STIM1: variants seen among roughly 807,000 people sequenced by gnomAD.
STIM1 encodes stromal interaction molecule 1.
In STIM1, 25 loss-of-function variants were observed where a neutral mutation model predicts 74.7. The observed-to-expected ratio is 0.33, with a 90% CI of 0.24 to 0.47. The LOEUF (loss-of-function observed/expected upper bound fraction) is 0.47, where lower values mean the gene tolerates loss of function less well. Among genes scored for constraint, STIM1 ranks in the 20% least tolerant of loss-of-function variants. The pLI is 1.00. For synonymous variants in STIM1, 328 were observed against 348.8 expected, an observed-to-expected ratio of 0.94 and a Z score of 0.66; for missense variants, 728 against 920.8, an observed-to-expected ratio of 0.79 and a Z score of 2.71.
At chr11:3,895,614 CTTTCTTTCTTTCTTTCTTT>C (rs2092048237) in intron 1 of STIM1, among the ~76,000 whole-genome samples, 1 of 62,372 alleles carries the variant, frequency 1.6e-5, no homozygotes, top group Non-Finnish European at 3.1e-5. Context: ...CTCTCTCTTT[CTTTCTTTCTTTCTTTCTTT>C]CTTTCTTTCT....
intron 1 of STIM1, among the ~76,000 whole-genome samples, chr11:3,959,066 T>C (rs1281099010): frequency 1.3e-5 from 2 of 152,188 alleles, no homozygotes; most frequent in African/African-American, 4.8e-5. Flanking sequence ...TTCATGGTCC[T>C]TGACCAAATT....
intron 2 of STIM1, among the ~76,000 whole-genome samples, chr11:4,013,998 C>A (rs957007906): frequency 6.6e-6 from 1 of 151,966 alleles, no homozygotes. Flanking sequence ...TCAGCCACCA[C>A]GCCTGGCTGA....
At chr11:4,080,365 G>T (rs2094458647) in intron 7 of STIM1, among the ~76,000 whole-genome samples, 1 of 151,996 alleles carries the variant, frequency 6.6e-6, no homozygotes, top group African/African-American at 2.4e-5. Flanking sequence ...CTTCCCATCA[G>T]ACATTTATTA....
chr11:4,068,962 T>C (rs2094386151), intron 5 of STIM1, among the ~76,000 whole-genome samples: 1 of 152,226 alleles, frequency 6.6e-6, no homozygotes, highest in Admixed American at 6.5e-5. Flanking sequence ...TACCTCCTTC[T>C]CTGCTGTTTA....
intron 2 of STIM1, chr11:3,974,283 A>G (rs1180431477): frequency 9.4e-6 from 3 of 319,968 alleles, no homozygotes; most frequent in Non-Finnish European, 5.8e-6. Context: ...AGCGGCATCC[A>G]TGGGTAGAAA....
intron 2 of STIM1, among the ~76,000 whole-genome samples, chr11:3,970,897 A>G (rs570054021): frequency 6.6e-6 from 1 of 152,346 alleles, no homozygotes; most frequent in South Asian, 2.1e-4. Flanking sequence ...ACATTTAAAT[A>G]CAAATAAAAT....
At chr11:4,065,470 C>CT (rs80064284) in intron 5 of STIM1, among the ~76,000 whole-genome samples, 5,044 of 143,214 alleles carry the variant, frequency 0.035, 207 homozygotes, top group African/African-American at 0.1. Flanking sequence ...GCCCTTTGTA[C>CT]TTTTTTTTTT....
At chr11:3,870,624 G>A (rs901190633) in intron 1 of STIM1, among the ~76,000 whole-genome samples, 2 of 152,026 alleles carry the variant, frequency 1.3e-5, no homozygotes, top group African/African-American at 2.4e-5. Context: ...GGCCCAACAA[G>A]TAGCTGGTAC....
In STIM1 at chr11:4,091,643, G is replaced by A. The variant is rs1363037423; in HGVS notation, c.1996G>A (p.Ala666Thr). 1.2e-6 allele frequency: 2 copies of A among 1,614,082 alleles called. No homozygotes were observed. The highest frequency in any genetic ancestry group is 2.2e-5 in the East Asian group (1 of 44,898). Residue 666 changes from alanine to threonine, a missense_variant, in exon 13 of 13, where the codon GCC becomes ACC. This residue lies in a region of STIM1 where 352 missense variants were observed against 370.1 expected (regional missense o/e 0.95). Coordinates refer to ENST00000526596, the MANE Select transcript of STIM1 (RefSeq NM_001382567.1). ...ACCATCTCCAGTTGGGGACAGCCGA[G>A]CCCTGCAAGCCAGCCGAAACACACG... ...DTPSPVGDSR[A>T]LQASRNTRIP...
At chr11:4,053,891 A>G (rs1421046558) in intron 3 of STIM1, among the ~76,000 whole-genome samples, 1 of 152,104 alleles carries the variant, frequency 6.6e-6, no homozygotes, top group African/African-American at 2.4e-5. Flanking sequence ...TACAGGTGTG[A>G]GCTACCATGC....
intron 2 of STIM1, among the ~76,000 whole-genome samples, chr11:4,009,977 T>C (rs541272708): frequency 6.6e-6 from 1 of 152,256 alleles, no homozygotes; most frequent in Admixed American, 6.5e-5. Context: ...CACATGTAGC[T>C]AATTTTAAAA....
intron 3 of STIM1, among the ~76,000 whole-genome samples, chr11:4,047,214 T>C (rs1313488361): frequency 6.6e-6 from 1 of 152,220 alleles, no homozygotes; most frequent in African/African-American, 2.4e-5. Flanking sequence ...GTCTGATGGC[T>C]CATGCCTATA....
At chr11:4,087,057 C>T (rs1452305705) in intron 12 of STIM1, among the ~76,000 whole-genome samples, 2 of 152,158 alleles carry the variant, frequency 1.3e-5, no homozygotes, top group South Asian at 2.1e-4. Context: ...TTGGGGTTTG[C>T]TGACTCTAAA....
chr11:3,920,330 C>G (rs2092702636), intron 1 of STIM1, among the ~76,000 whole-genome samples: 1 of 152,024 alleles, frequency 6.6e-6, no homozygotes, highest in South Asian at 2.1e-4. Flanking sequence ...TTTCATCACC[C>G]TAAAAAGAAA....
At chr11:3,882,159 G>A (rs561985069) in intron 1 of STIM1, among the ~76,000 whole-genome samples, 84 of 147,426 alleles carry the variant, frequency 5.7e-4, no homozygotes, top group African/African-American at 2.0e-3. Context: ...GAGTGCAATG[G>A]TGCGATCTTG....
intron 1 of STIM1, among the ~76,000 whole-genome samples, chr11:3,912,067 G>C (rs1258473482): frequency 6.6e-6 from 1 of 151,950 alleles, no homozygotes; most frequent in Non-Finnish European, 1.5e-5. Flanking sequence ...GAGGCTAATA[G>C]GGGGCATCTA....
chr11:4,058,462 C>T (rs1019094391), intron 4 of STIM1, among the ~76,000 whole-genome samples: 6 of 152,206 alleles, frequency 3.9e-5, no homozygotes, highest in African/African-American at 1.4e-4. Flanking sequence ...AGCTATGCAT[C>T]AGAAAAGAGC....
At chr11:3,921,484 A>G (rs1406620641) in intron 1 of STIM1, among the ~76,000 whole-genome samples, 1 of 152,236 alleles carries the variant, frequency 6.6e-6, no homozygotes, top group Non-Finnish European at 1.5e-5. Context: ...TCACCATGAT[A>G]TATTACGTTG....
chr11:3,972,915 G>A, intron 2 of STIM1: 1 of 500,628 alleles, frequency 2.0e-6, no homozygotes, highest in Non-Finnish European at 4.0e-6. Context: ...CTCCTTTCGT[G>A]CATCCAAAAT....
Sources: allele counts gnomAD v4.1 joint callset (sites outside exome capture counted in the v4.1 genomes callset), GRCh38; gene constraint gnomAD v4.1.1; regional missense constraint gnomAD v4.1.1; transcripts MANE v1.5; gene names NCBI Gene and HGNC (gene_info 2026-07-23, HGNC 2026-07-21).